SDK1: variants seen among roughly 807,000 people sequenced by gnomAD.
SDK1 encodes the protein sidekick cell adhesion molecule 1, also known as protein sidekick-1.
Under a neutral mutation model 245.5 loss-of-function variants are expected in SDK1, and 157 were observed. That is an observed-to-expected ratio of 0.64 (90% confidence interval 0.56 to 0.73). The LOEUF is 0.73. Among genes scored for constraint, SDK1 ranks in the 30% least tolerant of loss-of-function variants. SDK1 has a pLI of 0.00. For missense variants in SDK1, 3,583 were observed against 3,002.3 expected, an observed-to-expected ratio of 1.19 and a Z score of -4.52; for synonymous variants, 1,647 against 1,278.5, an observed-to-expected ratio of 1.29 and a Z score of -6.15.
chr7:4,025,198 A>C (rs1787244008), intron 17 of SDK1, among the ~76,000 whole-genome samples: 1 of 152,212 alleles, frequency 6.6e-6, no homozygotes, highest in African/African-American at 2.4e-5. Context: ...TTTGTGACCT[A>C]CAGTTTGAAA....
Position 3,475,567 on chromosome 7 carries a change from A to T in SDK1, c.299-143513A>T, listed in dbSNP as rs553340442. 7.2e-5 allele frequency among the ~76,000 whole-genome samples: 11 copies of T among 152,290 alleles called. No homozygotes were observed. The East Asian group carries it at 1.9e-3, about 27-fold the overall frequency. On this transcript the variant is annotated intron_variant, in intron 1 of 44. Coordinates refer to ENST00000404826, the MANE Select transcript of SDK1 (RefSeq NM_152744.4). ...TTTTCTAATTGTGAAGTTTATTTTG[A>T]TTATTAATGTTTCATTGGAAAGAAA...
At chr7:3,578,920 C>G (rs1008906277) in intron 1 of SDK1, among the ~76,000 whole-genome samples, 4 of 151,782 alleles carry the variant, frequency 2.6e-5, no homozygotes, top group Admixed American at 2.0e-4. Context: ...GACATACATC[C>G]TCAGTTTATG....
chr7:4,061,411 GCAAAT>G (rs1779530483), intron 19 of SDK1, among the ~76,000 whole-genome samples: 2 of 152,072 alleles, frequency 1.3e-5, no homozygotes, highest in South Asian at 4.1e-4. Context: ...TCAGAGAAAT[GCAAAT>G]CAAAACCACA....
rs1046780225 is a variant in SDK1 at position 3,969,384 on chromosome 7, A to G, written c.1674A>G (p.Thr558=). 3.1e-6 allele frequency: 5 copies of G among 1,608,548 alleles called. No individual in the cohort carries two copies. The highest frequency in any genetic ancestry group is 4.2e-6 in the Non-Finnish European group (5 of 1,177,548). ...AGNYTCYAAN[T]EGSLNASATL... ...ACTACACCTGCTATGCGGCCAACACAGAGGGCTCCCTGAATGCATCGGCCA... is the reference window on the plus strand; with the variant it reads ...ACTACACCTGCTATGCGGCCAACACGGAGGGCTCCCTGAATGCATCGGCCA... Residue 558 remains threonine (T), a synonymous_variant, in exon 11 of 45, where the codon ACA becomes ACG. Transcript: ENST00000404826.
At chr7:4,108,257 T>C (rs1783080728) in intron 22 of SDK1, among the ~76,000 whole-genome samples, 1 of 152,164 alleles carries the variant, frequency 6.6e-6, no homozygotes, top group Non-Finnish European at 1.5e-5. Flanking sequence ...CTCAGTCCTG[T>C]CTGACTCAAG....
At chr7:4,165,799 CT>C (rs1258307520) in intron 32 of SDK1, among the ~76,000 whole-genome samples, 1 of 149,778 alleles carries the variant, frequency 6.7e-6, no homozygotes, top group Non-Finnish European at 1.5e-5. Flanking sequence ...CTTGTGTTTT[CT>C]TTTAAAGACA....
intron 4 of SDK1, among the ~76,000 whole-genome samples, chr7:3,733,982 C>G (rs145294730): frequency 6.6e-6 from 1 of 152,112 alleles, no homozygotes; most frequent in Non-Finnish European, 1.5e-5. Flanking sequence ...CAAGATGATT[C>G]AGATGTAAGT....
At chr7:3,530,947 C>T (rs1001643753) in intron 1 of SDK1, among the ~76,000 whole-genome samples, 8 of 152,178 alleles carry the variant, frequency 5.3e-5, no homozygotes, top group Admixed American at 2.0e-4. Context: ...AAGTCTTTAT[C>T]GTATAGTTGA....
intron 1 of SDK1, among the ~76,000 whole-genome samples, chr7:3,526,361 C>T (rs966390837): frequency 6.6e-6 from 1 of 151,970 alleles, no homozygotes; most frequent in Non-Finnish European, 1.5e-5. Flanking sequence ...CAATATTTTT[C>T]ACATATTGGA....
In SDK1 at chr7:3,996,824, T is replaced by C. The variant is rs112992813; in HGVS notation, c.2131+9502T>C. Among the ~76,000 whole-genome samples the C allele has an allele frequency of 8.0e-3, 1,212 of 152,358 alleles. 24 individuals are homozygous for C. Among genetic ancestry groups the C allele is most frequent in the African/African-American group, 0.028 (1,144 of 41,580 alleles). ...TTGTTTTCTTTTTGTTTTTCCTATC[T>C]TGCTGTGTTGGTTGGAATAATTTTA... On this transcript the variant is annotated intron_variant, in intron 14 of 44. Transcript: ENST00000404826.
At chr7:3,904,636 G>A (rs1333503867) in intron 5 of SDK1, among the ~76,000 whole-genome samples, 2 of 152,158 alleles carry the variant, frequency 1.3e-5, no homozygotes, top group African/African-American at 2.4e-5. Flanking sequence ...CAAGGCTGCA[G>A]TGGGCTACGA....
chr7:3,765,425 CAG>C lies in SDK1; in HGVS notation c.714-56022_714-56021del, dbSNP rs955203564. 7.9e-5 allele frequency among the ~76,000 whole-genome samples: 12 copies of C among 152,256 alleles called. No individual in the cohort carries two copies. The East Asian group carries it at 9.6e-4, about 12-fold the overall frequency. On this transcript the variant is annotated intron_variant, in intron 4 of 44. Coordinates refer to ENST00000404826, the MANE Select transcript of SDK1 (RefSeq NM_152744.4). ...TCTAAGAATCTCACATGCAAGGAAA[CAG>C]AGTTTGTTCTTTTATGTCTGACTTC...
chr7:3,796,589 A>G (rs60368685), intron 4 of SDK1, among the ~76,000 whole-genome samples: 9,943 of 152,186 alleles, frequency 0.065, 1,038 homozygotes, highest in African/African-American at 0.23. Context: ...GCCAGGCGCA[A>G]CCACTTCTTA....
chr7:4,068,461 C>T (rs187801298), intron 20 of SDK1, among the ~76,000 whole-genome samples: 78 of 152,212 alleles, frequency 5.1e-4, no homozygotes, highest in Non-Finnish European at 9.4e-4. Flanking sequence ...TGTCTCAGCC[C>T]TCGTCCCACA....
intron 1 of SDK1, among the ~76,000 whole-genome samples, chr7:3,479,847 G>A (rs1447892051): frequency 4.7e-5 from 7 of 150,272 alleles, no homozygotes; most frequent in East Asian, 3.9e-4. Context: ...GGGCATCAGA[G>A]CGAGAGTCCA....
At chr7:4,103,545 C>G (rs1026304625) in intron 22 of SDK1, among the ~76,000 whole-genome samples, 2 of 152,198 alleles carry the variant, frequency 1.3e-5, no homozygotes, top group Non-Finnish European at 2.9e-5. Context: ...CTAGAGGTCG[C>G]TAAGTGTAGT....
intron 4 of SDK1, among the ~76,000 whole-genome samples, chr7:3,820,310 G>C (rs542146188): frequency 1.3e-5 from 2 of 151,992 alleles, no homozygotes; most frequent in African/African-American, 2.4e-5. Context: ...CCACCACGCC[G>C]AACTAATTTT....
intron 8 of SDK1, among the ~76,000 whole-genome samples, chr7:3,961,737 A>G (rs962872560): frequency 6.6e-6 from 1 of 152,164 alleles, no homozygotes; most frequent in Non-Finnish European, 1.5e-5. Context: ...GATGGCACTC[A>G]TTTTCATTGT....
chr7:3,429,425 A>G (rs752883070), intron 1 of SDK1, among the ~76,000 whole-genome samples: 12 of 152,268 alleles, frequency 7.9e-5, no homozygotes, highest in Middle Eastern at 6.8e-3. Flanking sequence ...GCCCTTTTAA[A>G]TATATAACTC....
Sources: allele counts gnomAD v4.1 joint callset (sites outside exome capture counted in the v4.1 genomes callset), GRCh38; gene constraint gnomAD v4.1.1; transcripts MANE v1.5; gene names NCBI Gene and HGNC (gene_info 2026-07-23, HGNC 2026-07-21).